Variants in KLK3 observed in about 807,000 individuals in gnomAD.
KLK3 encodes the protein kallikrein related peptidase 3.
In KLK3, 23 loss-of-function variants were observed where a neutral mutation model predicts 27.7. The observed-to-expected ratio is 0.83, with a 90% CI of 0.60 to 1.17. The LOEUF is 1.17. Among genes scored for constraint, KLK3 ranks in the 50% most tolerant of loss-of-function variants. The pLI is 0.00. For missense variants in KLK3, 322 were observed against 338.1 expected (o/e 0.95, Z 0.37); for synonymous variants, 142 against 134.2 (o/e 1.06, Z -0.40).
At chr19:50,859,252 CAGG>C (rs2090169030) in intron 4 of KLK3, among the ~76,000 whole-genome samples, 1 of 152,078 alleles carries the variant, frequency 6.6e-6, no homozygotes, top group South Asian at 2.1e-4. Context: ...ACCTGGGCCA[CAGG>C]AGGACACTGC....
rs1191943095 is a variant in KLK3, at chr19:50,858,605, C to A, written c.630+10C>A. 2 of 1,614,044 alleles carry A rather than the reference C, an allele frequency of 1.2e-6. No individual in the cohort carries two copies. The highest frequency in any genetic ancestry group is 2.2e-5 in the South Asian group (2 of 91,072). ...CAAAAGCACCTGCTCGGTGAGTCAT[C>A]CCTACTCCCAAGATCTTGAGGGGAA... On this transcript the variant is annotated intron_variant, in intron 4 of 4. Coordinates refer to ENST00000326003, the MANE Select transcript of KLK3 (RefSeq NM_001648.2).
chr19:50,859,977 T>C lies in KLK3; in HGVS notation c.636T>C (p.Asp212=), dbSNP rs1489264214. 15 of 1,612,326 alleles carry C rather than the reference T, an allele frequency of 9.3e-6. No individual in the cohort carries two copies. Among genetic ancestry groups the C allele is most frequent in the Non-Finnish European group, 1.1e-5 (13 of 1,178,828 alleles). The change falls in exon 5 of 5, where the codon GAT becomes GAC. Residue 212 remains aspartate (D), a synonymous_variant. Coordinates refer to ENST00000326003, the MANE Select transcript of KLK3 (RefSeq NM_001648.2). The part of the protein sequence containing the change: ...WTGGKSTCSG[D]SGGPLVCNGV... ...CTCCCTGCTTTTACCCTTAGGGTGA[T>C]TCTGGGGGCCCACTTGTCTGTAATG... is the stretch of plus-strand genomic sequence containing the variant.
At position 50,858,200 on chromosome 19, in the gene KLK3, G is replaced by A. The variant is rs1219383177; in HGVS notation, c.378G>A (p.Leu126=). ...DSSHDLMLLR[L]SEPAELTDAV... ...GCCACGACCTCATGCTGCTCCGCCT[G>A]TCAGAGCCTGCCGAGCTCACGGATG... Residue 126 remains leucine (L), a synonymous_variant, in exon 3 of 5, where the codon CTG becomes CTA. Transcript: ENST00000326003. The A allele has an allele frequency of 6.2e-7, 1 of 1,614,122 alleles. No individual in the cohort carries two copies. The highest frequency in any genetic ancestry group is 8.5e-7 in the Non-Finnish European group (1 of 1,180,060).
At chr19:50,858,397 G>A in intron 3 of KLK3, 62 bp from the exon 4 acceptor site, 2 of 1,609,844 alleles carry the variant, frequency 1.2e-6, no homozygotes, top group South Asian at 1.1e-5. Context: ...TAGGTCTGAG[G>A]GAGGAGGGCC....
Position 50,859,488 on chromosome 19 carries a change from CCT to C in KLK3, c.631-482_631-481del, listed in dbSNP as rs1311629895. 7 of 1,536,534 alleles carry C rather than the reference CCT, an allele frequency of 4.6e-6. No individual in the cohort carries two copies. The South Asian group carries it at 7.8e-5, about 17-fold the overall frequency. On this transcript the variant is annotated intron_variant, in intron 4 of 4. Transcript: ENST00000326003. ...CCAGCCTCCCTCACAGGCTCCTGGC[CCT>C]CAGTCTCTCCCCTCCACTCCATTCT...
At chr19:50,859,828 G>C (rs2090173371) in intron 4 of KLK3, 144 bp from the exon 5 acceptor site, 2 of 1,483,684 alleles carry the variant, frequency 1.3e-6, no homozygotes, top group African/African-American at 2.8e-5. Flanking sequence ...CCTTCTTCTG[G>C]AAGTCGGCTC....
intron 4 of KLK3, chr19:50,859,686 C>T (rs1011107664): frequency 3.1e-6 from 5 of 1,591,818 alleles, no homozygotes; most frequent in Non-Finnish European, 4.3e-6. Flanking sequence ...ATGGTCCTGG[C>T]CCTTGTCCCA....
intron 4 of KLK3, chr19:50,859,547 C>G: frequency 6.2e-7 from 1 of 1,613,296 alleles, no homozygotes; most frequent in Non-Finnish European, 8.5e-7. Flanking sequence ...TTCTGATCAC[C>G]GAACTGACCA....
In KLK3 at chr19:50,860,004, T is replaced by C. The variant is rs140564011; in HGVS notation, c.663T>C (p.Gly221=). ...CTGGGGGCCCACTTGTCTGTAATGG[T>C]GTGCTTCAAGGTATCACGTCATGGG... is the stretch of plus-strand genomic sequence containing the variant. ...GDSGGPLVCN[G]VLQGITSWGS... The change falls in exon 5 of 5, where the codon GGT becomes GGC. Residue 221 remains glycine (G), a synonymous_variant. Transcript: ENST00000326003. 2.5e-5 allele frequency: 40 copies of C among 1,614,040 alleles called. No homozygotes were observed. The African/African-American group carries it at 4.9e-4, about 20-fold the overall frequency.
intron 4 of KLK3, 192 bp downstream of exon 4, chr19:50,858,787 C>T: frequency 1.6e-6 from 1 of 641,820 alleles, no homozygotes; most frequent in Non-Finnish European, 2.7e-6. Context: ...GTTATTCTTA[C>T]AGCACAACTC....
chr19:50,857,985 C>A, intron 2 of KLK3, 44 bp from the exon 3 acceptor site: 2 of 1,561,186 alleles, frequency 1.3e-6, no homozygotes, highest in South Asian at 2.4e-5. Flanking sequence ...TCTCTCTTTC[C>A]TTATCATCCT....
chr19:50,858,429 C>T lies in KLK3; in HGVS notation c.494-30C>T, dbSNP rs761272078. The T allele has an allele frequency of 1.9e-6, 3 of 1,613,654 alleles. No homozygotes were observed. The South Asian group carries it at 3.3e-5, about 18-fold the overall frequency. On this transcript the variant is annotated intron_variant, in intron 3 of 4. Transcript: ENST00000326003. ...GGCCAAGGAACCAGGTGGGGTCCAGCCCACAACAGTGTTTTTGCCTGGCCC... is the reference window on the plus strand; with the variant it reads ...GGCCAAGGAACCAGGTGGGGTCCAGTCCACAACAGTGTTTTTGCCTGGCCC...
chr19:50,856,038 C>G, intron 1 of KLK3: 1 of 570,438 alleles, frequency 1.8e-6, no homozygotes, highest in Non-Finnish European at 3.1e-6. Context: ...TCCACCAGCA[C>G]CAGCCACCAA....
rs1194346677 is a variant in KLK3 at position 50,858,307 on chromosome 19, C to A, written c.485C>A (p.Pro162Gln). 3.7e-6 allele frequency: 6 copies of A among 1,612,978 alleles called. No individual in the cohort carries two copies. The African/African-American group carries it at 6.7e-5, about 18-fold the overall frequency. Residue 162 changes from proline to glutamine, a missense_variant, in exon 3 of 5, where the codon CCA becomes CAA. Pro to Gln is a moderately conservative substitution (Grantham distance 76). Transcript: ENST00000326003. Reference sequence around the variant, plus strand: ...GCCTCAGGCTGGGGCAGCATTGAACCAGAGGAGTGTACGCCTGGGCCAGAT... The same window carrying A: ...GCCTCAGGCTGGGGCAGCATTGAACAAGAGGAGTGTACGCCTGGGCCAGAT... ...CYASGWGSIEPEEFLTPKKLQ... is the reference protein window; with the variant it reads ...CYASGWGSIEQEEFLTPKKLQ...
chr19:50,858,329 A>G lies in KLK3; in HGVS notation c.493+14A>G, dbSNP rs1340226527. 1.2e-6 allele frequency: 2 copies of G among 1,609,018 alleles called. No individual in the cohort carries two copies. The highest frequency in any genetic ancestry group is 3.3e-5 in the Admixed American group (2 of 59,848). ...AACCAGAGGAGTGTACGCCTGGGCC[A>G]GATGGTGCAGCCGGGAGCCCAGATG... On this transcript the variant is annotated intron_variant, in intron 3 of 4. Coordinates refer to ENST00000326003, the MANE Select transcript of KLK3 (RefSeq NM_001648.2).
In KLK3 at chr19:50,858,470, A is replaced by G; in HGVS notation, c.505A>G (p.Lys169Glu). The G allele has an allele frequency of 3.7e-6, 6 of 1,614,172 alleles. No individual in the cohort carries two copies. Among genetic ancestry groups the G allele is most frequent in the Middle Eastern group, 3.3e-4 (2 of 6,062 alleles). The change falls in exon 4 of 5, where the codon AAG becomes GAG. Residue 169 changes from lysine (K) to glutamate (E), a missense_variant. Physicochemically the swap from Lys to Glu is moderately conservative, Grantham distance 56. Coordinates refer to ENST00000326003, the MANE Select transcript of KLK3 (RefSeq NM_001648.2). ...SIEPEEFLTP[K>E]KLQCVDLHVI... ...TGCCTGGCCCGTAGTCTTGACCCCA[A>G]AGAAACTTCAGTGTGTGGACCTCCA...
chr19:50,859,270 C>T (rs1006744364), intron 4 of KLK3, among the ~76,000 whole-genome samples: 2 of 152,066 alleles, frequency 1.3e-5, no homozygotes, highest in African/African-American at 4.8e-5. Context: ...CACTGCTTTT[C>T]CTCTGAGGAG....
chr19:50,855,310 G>T (rs1309895867), intron 1 of KLK3: 1 of 459,994 alleles, frequency 2.2e-6, no homozygotes, highest in Non-Finnish European at 3.9e-6. Context: ...CTCTTTGTGG[G>T]GCTCAAAACC....
Position 50,858,466 on chromosome 19 carries a change from C to A in KLK3, c.501C>A (p.Thr167=). The change falls in exon 4 of 5, where the codon ACC becomes ACA. Residue 167 remains threonine, a synonymous_variant. Transcript: ENST00000326003. ...WGSIEPEEFL[T]PKKLQCVDLH... Reference sequence around the variant, plus strand: ...TTTTTGCCTGGCCCGTAGTCTTGACCCCAAAGAAACTTCAGTGTGTGGACC... The same window carrying A: ...TTTTTGCCTGGCCCGTAGTCTTGACACCAAAGAAACTTCAGTGTGTGGACC... The A allele has an allele frequency of 6.2e-7, 1 of 1,614,164 alleles. No individual in the cohort carries two copies. Among genetic ancestry groups the A allele is most frequent in the Non-Finnish European group, 8.5e-7 (1 of 1,180,024 alleles).
Sources: gnomAD v4.1 joint callset for allele counts (sites outside exome capture counted in the v4.1 genomes callset) on GRCh38, gnomAD v4.1.1 for gene constraint, MANE v1.5 for transcripts, NCBI Gene and HGNC (gene_info 2026-07-23, HGNC 2026-07-21) for gene names.